The following SMOX variants were observed in gnomAD, a reference collection of about 807,000 sequenced individuals.
The protein encoded by SMOX is spermine oxidase, also known as flavin containing amine oxidase.
Under a neutral mutation model 51.0 loss-of-function variants are expected in SMOX, and 22 were observed. The observed-to-expected ratio is 0.43, with a 90% CI of 0.31 to 0.62. The LOEUF (loss-of-function observed/expected upper bound fraction) is 0.62. SMOX is among the 20% of genes least tolerant of loss of function. The pLI is 0.10. For missense variants in SMOX, 566 were observed against 777.7 expected (o/e 0.73, Z 3.24); for synonymous variants, 282 against 307.8 (o/e 0.92, Z 0.88).
At position 4,182,385 on chromosome 20, in the gene SMOX, G is replaced by T; in HGVS notation, c.906G>T (p.Gly302=). Residue 302 remains glycine, a synonymous_variant, in exon 5 of 7, where the codon GGG becomes GGT. Transcript: ENST00000305958. The surrounding 1 kb of genome is among the most constrained non-coding windows in gnomAD (Gnocchi z 8.4). The stretch of plus-strand genomic sequence containing the variant: ...GCCAGGGTGGAGAGGAGCCCCGGGG[G>T]GGCAGGTGGGATGAGGATGAGCAGT... ...EGGQGGEEPR[G]GRWDEDEQWS... 1 of 1,598,486 alleles carries T rather than the reference G, an allele frequency of 6.3e-7. No homozygotes were observed. The highest frequency in any genetic ancestry group is 1.3e-5 in the African/African-American group (1 of 74,836).
chr20:4,173,185 T>C (rs534919443), intron 1 of SMOX, among the ~76,000 whole-genome samples: 1 of 152,290 alleles, frequency 6.6e-6, no homozygotes, highest in Admixed American at 6.5e-5. Flanking sequence ...CAGATTAAGA[T>C]ATTTATTCCG....
intron 1 of SMOX, among the ~76,000 whole-genome samples, chr20:4,152,752 A>G (rs190470403): frequency 6.6e-6 from 1 of 152,304 alleles, no homozygotes; most frequent in Non-Finnish European, 1.5e-5. Flanking sequence ...AACTCCTTTA[A>G]TGCTCTTAAC....
At chr20:4,154,456 A>C (rs2122371010) in intron 1 of SMOX, among the ~76,000 whole-genome samples, 1 of 151,586 alleles carries the variant, frequency 6.6e-6, no homozygotes, top group South Asian at 2.1e-4. Context: ...GCTCACTGCA[A>C]CCTTCGCCTC....
chr20:4,178,750 C>G (rs1378040529), intron 3 of SMOX, among the ~76,000 whole-genome samples: 1 of 150,472 alleles, frequency 6.6e-6, no homozygotes, highest in Non-Finnish European at 1.5e-5. Context: ...ATGGCACGAT[C>G]TCAGCTCACC....
chr20:4,169,458 CAA>C (rs1190427451), intron 1 of SMOX, among the ~76,000 whole-genome samples: 1 of 152,066 alleles, frequency 6.6e-6, no homozygotes, highest in Non-Finnish European at 1.5e-5. Flanking sequence ...AGGTGGGCTT[CAA>C]TGTTAAAGAA....
chr20:4,158,090 T>C (rs13043118), intron 1 of SMOX, among the ~76,000 whole-genome samples: 79,806 of 144,200 alleles, frequency 0.55, 22,452 homozygotes, highest in Admixed American at 0.59. Context: ...TTAGTAGAGA[T>C]GGTGTTTCAC....
Position 4,177,404 on chromosome 20 carries a change from CCTAT to C in SMOX, c.268_271del (p.Tyr90IlefsTer2), listed in dbSNP as rs768865548. ...CTGGATCCATGGCTCCCATGGGAAC[CCTAT>C]CTATCATCTAGCAGAAGCCAACGGC... is the stretch of plus-strand genomic sequence containing the variant. On this transcript the variant is annotated frameshift_variant, in exon 3 of 7. Transcript: ENST00000305958. LOFTEE classifies it high-confidence loss of function. This position sits in a 1 kb window ranked among gnomAD's most constrained non-coding sequence, Gnocchi z 4.3. The C allele has an allele frequency of 1.3e-6, 2 of 1,557,040 alleles. No homozygotes were observed. Among genetic ancestry groups the C allele is most frequent in the South Asian group, 1.2e-5 (1 of 84,436 alleles).
At chr20:4,158,406 G>A (rs1986141933) in intron 1 of SMOX, among the ~76,000 whole-genome samples, 1 of 152,146 alleles carries the variant, frequency 6.6e-6, no homozygotes, top group Non-Finnish European at 1.5e-5. Context: ...GGGGCTGGGA[G>A]GTTGGAGGAT....
rs1188181130 is a variant in SMOX, at chr20:4,181,708, G to C, written c.436-95G>C. 1.4e-6 allele frequency: 2 copies of C among 1,419,190 alleles called. No homozygotes were observed. Among genetic ancestry groups the C allele is most frequent in the African/African-American group, 2.8e-5 (2 of 70,414 alleles). 87.9% of individuals were successfully genotyped at this position (1,419,190 alleles called of 1,614,324 possible). On this transcript the variant is annotated intron_variant, in intron 3 of 6. Transcript: ENST00000305958. The surrounding 1 kb of genome is among the most constrained non-coding windows in gnomAD (Gnocchi z 5.6). ...AGACCAGGGGCTCAGTGCATCCAGG[G>C]GACACCTGGGAACTGGTGGGTTTGG... is the stretch of plus-strand genomic sequence containing the variant.
intron 1 of SMOX, among the ~76,000 whole-genome samples, chr20:4,156,672 G>A (rs567639997): frequency 3.3e-5 from 5 of 152,308 alleles, no homozygotes; most frequent in Admixed American, 3.3e-4. Context: ...CTCACTGGGT[G>A]AATGAGGAAG....
chr20:4,186,735 C>T (rs1389352419), intron 6 of SMOX: 1 of 780,872 alleles, frequency 1.3e-6, no homozygotes, highest in South Asian at 1.3e-5. Flanking sequence ...GTCTGGCTTC[C>T]TCACCAGCAT....
intron 1 of SMOX, among the ~76,000 whole-genome samples, chr20:4,151,832 A>G (rs1171129100): frequency 6.6e-6 from 1 of 152,196 alleles, no homozygotes; most frequent in East Asian, 1.9e-4. Flanking sequence ...AAGGGCCGGA[A>G]CCTTGACTGA....
intron 1 of SMOX, among the ~76,000 whole-genome samples, chr20:4,154,788 G>A (rs946694927): frequency 1.4e-5 from 2 of 147,504 alleles, no homozygotes; most frequent in Non-Finnish European, 3.0e-5. Context: ...GTGGAACAGG[G>A]AACTAACTAC....
At chr20:4,180,726 C>T (rs1024098244) in intron 3 of SMOX, among the ~76,000 whole-genome samples, 2 of 152,202 alleles carry the variant, frequency 1.3e-5, no homozygotes, top group Non-Finnish European at 2.9e-5. Context: ...ACTGCTTCTC[C>T]ATCTTTGAGG....
intron 1 of SMOX, among the ~76,000 whole-genome samples, chr20:4,162,092 C>T (rs1243849390): frequency 6.6e-6 from 1 of 152,190 alleles, no homozygotes; most frequent in African/African-American, 2.4e-5. Flanking sequence ...GCAGGTGTGC[C>T]TCCTGCCCTT....
At chr20:4,162,433 C>G (rs1986378665) in intron 1 of SMOX, among the ~76,000 whole-genome samples, 1 of 152,356 alleles carries the variant, frequency 6.6e-6, no homozygotes, top group African/African-American at 2.4e-5. Flanking sequence ...GCCTCTGAGC[C>G]TCTGCACGTG....
Position 4,181,527 on chromosome 20 carries a change from G to A in SMOX, c.436-276G>A, listed in dbSNP as rs374917048. ...GGCTTCTTTCCCACAGACTGTATGGGCACCAAATGTTTCACATTGTCCTAA... is the reference window on the plus strand; with the variant it reads ...GGCTTCTTTCCCACAGACTGTATGGACACCAAATGTTTCACATTGTCCTAA... On this transcript the variant is annotated intron_variant, in intron 3 of 6. Transcript: ENST00000305958. The surrounding 1 kb of genome is among the most constrained non-coding windows in gnomAD (Gnocchi z 5.6). Among the ~76,000 whole-genome samples, 9 of 152,320 alleles carry A rather than the reference G, an allele frequency of 5.9e-5. No individual in the cohort carries two copies. The South Asian group carries it at 1.2e-3, about 21-fold the overall frequency.
chr20:4,164,039 T>C (rs1191729752), intron 1 of SMOX, among the ~76,000 whole-genome samples: 1 of 152,190 alleles, frequency 6.6e-6, no homozygotes, highest in Non-Finnish European at 1.5e-5. Flanking sequence ...TTGTTGCACC[T>C]GCAGCTTCAC....
chr20:4,158,136 G>C (rs142194128), intron 1 of SMOX, among the ~76,000 whole-genome samples: 2 of 151,004 alleles, frequency 1.3e-5, no homozygotes, highest in Non-Finnish European at 3.0e-5. Flanking sequence ...TCCTGACCTC[G>C]TGATCCGCCC....
Sources: allele counts gnomAD v4.1 joint callset (sites outside exome capture counted in the v4.1 genomes callset), GRCh38; gene constraint gnomAD v4.1.1; non-coding constraint Gnocchi (gnomAD v3.1); transcripts MANE v1.5; gene names NCBI Gene and HGNC (gene_info 2026-07-23, HGNC 2026-07-21).